B3GALT1: variants seen among roughly 807,000 people sequenced by gnomAD.
B3GALT1 encodes the protein beta-1,3-galactosyltransferase 1.
A neutral mutation model predicts 23.2 loss-of-function variants in B3GALT1; 10 were observed. The ratio of observed to expected loss-of-function variants is 0.43; its 90% CI spans 0.27 to 0.73. The LOEUF (loss-of-function observed/expected upper bound fraction) is 0.73. Ranked by LOEUF, B3GALT1 falls within the 30% of genes least tolerant of loss-of-function variation. The probability of loss-of-function intolerance (pLI) is 0.21; values close to 1 mark genes in which losing one functional copy is unlikely to be tolerated. For missense variants in B3GALT1, 299 were observed against 405.4 expected (o/e 0.74, Z 2.25); for synonymous variants, 156 against 141.5 (o/e 1.10, Z -0.73).
intron 1 of B3GALT1, among the ~76,000 whole-genome samples, chr2:167,372,290 C>A (rs1402824559): frequency 1.3e-5 from 2 of 152,036 alleles, no homozygotes; most frequent in Admixed American, 6.5e-5. Flanking sequence ...ATCCAACACA[C>A]ATTTATGAAT....
chr2:167,766,314 G>A (rs551555042), intron 3 of B3GALT1, among the ~76,000 whole-genome samples: 5 of 152,180 alleles, frequency 3.3e-5, no homozygotes, highest in South Asian at 2.1e-4. Context: ...TAGAAATTGC[G>A]ACAAAACTCA....
chr2:167,666,676 G>T (rs1347848616), intron 3 of B3GALT1, among the ~76,000 whole-genome samples: 1 of 152,142 alleles, frequency 6.6e-6, no homozygotes, highest in African/African-American at 2.4e-5. Context: ...AGCTCTTCTT[G>T]TGGAATTGAT....
chr2:167,417,744 G>A (rs1307974408), intron 1 of B3GALT1, among the ~76,000 whole-genome samples: 3 of 152,180 alleles, frequency 2.0e-5, no homozygotes, highest in African/African-American at 7.2e-5. Flanking sequence ...ATCAGGCCCA[G>A]TGAGTCACAG....
At chr2:167,644,970 A>T (rs1252689934) in intron 2 of B3GALT1, among the ~76,000 whole-genome samples, 5 of 152,080 alleles carry the variant, frequency 3.3e-5, no homozygotes, top group Non-Finnish European at 7.4e-5. Context: ...CTGAATATTT[A>T]CTGGAAAAAG....
At chr2:167,665,649 T>C (rs1280363955) in intron 3 of B3GALT1, among the ~76,000 whole-genome samples, 5 of 152,088 alleles carry the variant, frequency 3.3e-5, no homozygotes, top group Admixed American at 6.6e-5. Flanking sequence ...GATCCTGTTA[T>C]TGGTCTATTC....
chr2:167,494,350 T>A (rs1699749920), intron 2 of B3GALT1, among the ~76,000 whole-genome samples: 1 of 151,548 alleles, frequency 6.6e-6, no homozygotes, highest in Non-Finnish European at 1.5e-5. Flanking sequence ...AAAAAAAAGA[T>A]ATCAGTTATG....
intron 2 of B3GALT1, among the ~76,000 whole-genome samples, chr2:167,555,201 T>C (rs1248992542): frequency 6.6e-6 from 1 of 152,182 alleles, no homozygotes; most frequent in Non-Finnish European, 1.5e-5. Context: ...TAGAGAAGCA[T>C]AGGAATAGAC....
At chr2:167,611,167 A>G (rs1045116499) in intron 2 of B3GALT1, among the ~76,000 whole-genome samples, 2 of 151,928 alleles carry the variant, frequency 1.3e-5, no homozygotes, top group Admixed American at 1.3e-4. Context: ...AGAAAATCCT[A>G]CTATCGAGAA....
rs370521243 is a variant in B3GALT1, at chr2:167,316,259, A to G, written c.-511+22925A>G. Among the ~76,000 whole-genome samples, 12 of 152,260 alleles carry G rather than the reference A, an allele frequency of 7.9e-5. No individual in the cohort carries two copies. In the East Asian group the frequency reaches 1.9e-3, roughly 24 times the overall value. ...TATGAAAATGGCATGTAGAAAAAGAATAATGAAAACTACATTGGGGTGTGC... is the reference window on the plus strand; with the variant it reads ...TATGAAAATGGCATGTAGAAAAAGAGTAATGAAAACTACATTGGGGTGTGC... On this transcript the variant is annotated intron_variant, in intron 1 of 4. Coordinates refer to ENST00000392690, the MANE Select transcript of B3GALT1 (RefSeq NM_020981.4).
chr2:167,527,670 CATA>C (rs978635170), intron 2 of B3GALT1, among the ~76,000 whole-genome samples: 13 of 152,202 alleles, frequency 8.5e-5, no homozygotes, highest in Admixed American at 1.3e-4. Flanking sequence ...TTTTTCATAA[CATA>C]ATAATCGTGT....
intron 1 of B3GALT1, among the ~76,000 whole-genome samples, chr2:167,321,854 C>G (rs1178132684): frequency 6.6e-6 from 1 of 152,082 alleles, no homozygotes; most frequent in Non-Finnish European, 1.5e-5. Flanking sequence ...GTTTTCCCAA[C>G]TCCCATTCAC....
intron 1 of B3GALT1, among the ~76,000 whole-genome samples, chr2:167,385,854 G>A (rs1697923159): frequency 6.6e-6 from 1 of 152,074 alleles, no homozygotes; most frequent in Non-Finnish European, 1.5e-5. Flanking sequence ...TGGAGGATGA[G>A]GATTAAAAGG....
chr2:167,408,094 A>G (rs1371032834), intron 1 of B3GALT1, among the ~76,000 whole-genome samples: 1 of 151,082 alleles, frequency 6.6e-6, no homozygotes, highest in African/African-American at 2.4e-5. Context: ...CTACAGGCCA[A>G]TATCACTGGT....
chr2:167,528,580 T>A (rs779909734), intron 2 of B3GALT1, among the ~76,000 whole-genome samples: 1 of 152,108 alleles, frequency 6.6e-6, no homozygotes, highest in African/African-American at 2.4e-5. Context: ...TTGCATGACA[T>A]TAGACAAGTC....
chr2:167,309,958 T>G (rs536049043), intron 1 of B3GALT1, among the ~76,000 whole-genome samples: 1 of 152,198 alleles, frequency 6.6e-6, no homozygotes, highest in African/African-American at 2.4e-5. Flanking sequence ...TTAACAGCAA[T>G]GTCATGTACA....
rs1281549908 is a variant in B3GALT1, at chr2:167,515,322, AT to A, written c.-410+25046del. Among the ~76,000 whole-genome samples, 29 of 152,146 alleles carry A rather than the reference AT, an allele frequency of 1.9e-4. 1 individual carries two copies. The highest frequency in any genetic ancestry group is 1.7e-3 in the Admixed American group (26 of 15,278). ...TTCAAGTGTTATTATTACATTCACT[AT>A]GCTTAAGGCCAATCAAGCATCCTTC... On this transcript the variant is annotated intron_variant, in intron 2 of 4. Transcript: ENST00000392690.
At chr2:167,367,440 G>C (rs190429793) in intron 1 of B3GALT1, among the ~76,000 whole-genome samples, 45 of 152,280 alleles carry the variant, frequency 3.0e-4, no homozygotes, top group Admixed American at 5.2e-4. Flanking sequence ...CTACTGGATA[G>C]AGAGACAAGA....
At chr2:167,865,581 G>A (rs534714694) in intron 4 of B3GALT1, among the ~76,000 whole-genome samples, 59 of 152,258 alleles carry the variant, frequency 3.9e-4, no homozygotes, top group Admixed American at 9.2e-4. Flanking sequence ...CACAAGATCA[G>A]GAGATCGAGA....
At chr2:167,538,239 G>C (rs1055903472) in intron 2 of B3GALT1, among the ~76,000 whole-genome samples, 1 of 152,072 alleles carries the variant, frequency 6.6e-6, no homozygotes, top group African/African-American at 2.4e-5. Context: ...CTGGATACTA[G>C]AAAACAAACA....
Sources: allele counts gnomAD v4.1 joint callset (sites outside exome capture counted in the v4.1 genomes callset), GRCh38; gene constraint gnomAD v4.1.1; transcripts MANE v1.5; gene names NCBI Gene and HGNC (gene_info 2026-07-23, HGNC 2026-07-21).